The following IGF1R variants were observed in gnomAD, a reference collection of about 807,000 sequenced individuals.
The protein encoded by IGF1R is insulin-like growth factor 1 receptor.
Under a neutral mutation model 144.6 loss-of-function variants are expected in IGF1R, and 44 were observed. The ratio of observed to expected loss-of-function variants is 0.30; its 90% CI spans 0.24 to 0.39. The LOEUF is 0.39. IGF1R is among the 10% of genes least tolerant of loss of function. The pLI is 1.00. For missense variants in IGF1R, 1,355 were observed against 1,833.7 expected, an observed-to-expected ratio of 0.74 and a Z score of 4.77; for synonymous variants, 795 against 722.8, an observed-to-expected ratio of 1.10 and a Z score of -1.60.
intron 4 of IGF1R, among the ~76,000 whole-genome samples, chr15:98,897,868 G>A (rs964966033): frequency 6.6e-5 from 10 of 151,736 alleles, no homozygotes; most frequent in South Asian, 2.1e-4. Context: ...AATAAATATC[G>A]TAAAATGGCT....
rs926588671 is a variant in IGF1R, at chr15:98,964,212, ATTT to A, written c.*6775_*6777del. ...TTCTGAGTTTTCTTGTTAAAAAAAA[ATTT>A]TTTTAAGTAAGAAAAAAAAAGGTAA... On this transcript the variant is annotated 3_prime_UTR_variant, in exon 21 of 21. Transcript: ENST00000650285. The A allele has an allele frequency of 1.7e-5, 4 of 232,434 alleles. No individual in the cohort carries two copies. The highest frequency in any genetic ancestry group is 3.6e-4 in the South Asian group (2 of 5,524). 14.4% of individuals were successfully genotyped at this position (232,434 alleles called of 1,614,324 possible). A position where few individuals can be genotyped will look rare whatever the true frequency, so the allele number is the denominator to read the frequency against.
At chr15:98,718,236 A>G (rs2054167638) in intron 2 of IGF1R, among the ~76,000 whole-genome samples, 1 of 152,168 alleles carries the variant, frequency 6.6e-6, no homozygotes, top group African/African-American at 2.4e-5. Context: ...CTTGGTCACA[A>G]ACAAGCGCCC....
chr15:98,869,531 G>T (rs1226102438), intron 2 of IGF1R, among the ~76,000 whole-genome samples: 2 of 151,886 alleles, frequency 1.3e-5, no homozygotes, highest in East Asian at 3.9e-4. Flanking sequence ...CACCTCTCGG[G>T]TTCAAGCGAT....
Position 98,663,176 on chromosome 15 carries a change from C to T in IGF1R, c.94+13501C>T, listed in dbSNP as rs752658259. On this transcript the variant is annotated intron_variant, in intron 1 of 20. Coordinates refer to ENST00000650285, the MANE Select transcript of IGF1R (RefSeq NM_000875.5). Reference sequence around the variant, plus strand: ...GGAGGTGACTGGTGAGATGGGTCCTCGGTGTGAGGGGCTGGGTTGCCAGAG... The same window carrying T: ...GGAGGTGACTGGTGAGATGGGTCCTTGGTGTGAGGGGCTGGGTTGCCAGAG... Among the ~76,000 whole-genome samples, 46 of 151,924 alleles carry T rather than the reference C, an allele frequency of 3.0e-4. 2 individuals are homozygous for T. Among genetic ancestry groups the T allele is most frequent in the Admixed American group, 2.0e-4 (3 of 15,252 alleles).
chr15:98,955,427 T>G (rs1424406954), intron 20 of IGF1R, among the ~76,000 whole-genome samples: 2 of 152,250 alleles, frequency 1.3e-5, no homozygotes, highest in Admixed American at 1.3e-4. Context: ...GGCCACAGTC[T>G]CTGTCCTAAT....
rs1271482144 is a variant in IGF1R, at chr15:98,648,659, C to T, written c.-923C>T. Among the ~76,000 whole-genome samples the T allele has an allele frequency of 2.0e-5, 3 of 147,214 alleles. No homozygotes were observed. Among genetic ancestry groups the T allele is most frequent in the Non-Finnish European group, 4.5e-5 (3 of 66,236 alleles). On this transcript the variant is annotated 5_prime_UTR_variant, in exon 1 of 21. Transcript: ENST00000650285. ...AGGAGGAGCGAGCGCACCAGGCGAA[C>T]TCGAGAGAGGCGGGAGAGCGAGAGG...
At chr15:98,706,694 TGAAG>T (rs2053871086) in intron 1 of IGF1R, among the ~76,000 whole-genome samples, 1 of 152,212 alleles carries the variant, frequency 6.6e-6, no homozygotes, top group South Asian at 2.1e-4. Context: ...AAATATTAAG[TGAAG>T]GAAGTGTGTT....
chr15:98,916,476 G>A, intron 9 of IGF1R, 196 bp from the exon 10 acceptor site: 1 of 634,302 alleles, frequency 1.6e-6, no homozygotes, highest in East Asian at 2.8e-5. Flanking sequence ...TGCCCAGGCT[G>A]GTCTGAAACT....
intron 2 of IGF1R, among the ~76,000 whole-genome samples, chr15:98,868,688 G>T (rs1209861893): frequency 6.6e-6 from 1 of 152,116 alleles, no homozygotes; most frequent in African/African-American, 2.4e-5. Context: ...CTCTCTCTTT[G>T]TGCCTCAGGC....
chr15:98,902,041 C>T (rs1472411697), intron 5 of IGF1R, among the ~76,000 whole-genome samples: 2 of 152,100 alleles, frequency 1.3e-5, no homozygotes, highest in Non-Finnish European at 2.9e-5. Flanking sequence ...ATTTTTATTT[C>T]GGTGTGCTTT....
chr15:98,859,382 C>G (rs2012018635), intron 2 of IGF1R, among the ~76,000 whole-genome samples: 1 of 152,222 alleles, frequency 6.6e-6, no homozygotes. Context: ...CTAAGACATA[C>G]TTGATTTTAA....
chr15:98,750,840 G>A (rs897167737), intron 2 of IGF1R, among the ~76,000 whole-genome samples: 17 of 152,170 alleles, frequency 1.1e-4, no homozygotes, highest in Admixed American at 5.9e-4. Flanking sequence ...AGGTTGGAGT[G>A]CAATGGCGTG....
Position 98,817,120 on chromosome 15 carries a change from T to C in IGF1R, c.641-74205T>C, listed in dbSNP as rs537788845. ...GAGTTCAAGAACAGCCTGGCCAACA[T>C]GGTGAAACCCCGTCTCTACTAAAAA... On this transcript the variant is annotated intron_variant, in intron 2 of 20. Transcript: ENST00000650285. Among the ~76,000 whole-genome samples the C allele has an allele frequency of 4.6e-5, 7 of 152,012 alleles. No individual in the cohort carries two copies. The South Asian group carries it at 8.3e-4, about 18-fold the overall frequency.
intron 2 of IGF1R, chr15:98,873,582 TTGGGATGTGATTTCTTTAAGCCTC>T (rs2012900308): frequency 6.6e-6 from 1 of 152,202 alleles, no homozygotes; most frequent in African/African-American, 2.4e-5. Context: ...AAATATCGGA[TTGGGATGTGATTTCTTTAAGCCTC>T]TGGCTAATTT....
At chr15:98,827,675 CG>C (rs754235803) in intron 2 of IGF1R, among the ~76,000 whole-genome samples, 2 of 152,110 alleles carry the variant, frequency 1.3e-5, no homozygotes, top group Non-Finnish European at 1.5e-5. Context: ...CTCTGCCTTC[CG>C]GGTTCAAGCG....
intron 2 of IGF1R, among the ~76,000 whole-genome samples, chr15:98,713,360 C>T (rs932715887): frequency 2.0e-5 from 3 of 152,132 alleles, no homozygotes; most frequent in Non-Finnish European, 4.4e-5. Flanking sequence ...TGGCAGTCTT[C>T]GGTGAGCCAG....
intron 5 of IGF1R, among the ~76,000 whole-genome samples, chr15:98,905,804 T>C (rs1255515194): frequency 1.3e-5 from 2 of 152,254 alleles, no homozygotes; most frequent in Admixed American, 6.5e-5. Flanking sequence ...ATGATAACTT[T>C]AGCGTATGCA....
chr15:98,934,572 C>T (rs2016070784), intron 15 of IGF1R, among the ~76,000 whole-genome samples: 2 of 152,106 alleles, frequency 1.3e-5, no homozygotes, highest in African/African-American at 4.8e-5. Context: ...TGTTCTGGTC[C>T]TTCTATCTGT....
At chr15:98,656,236 A>C (rs977033503) in intron 1 of IGF1R, among the ~76,000 whole-genome samples, 1 of 152,184 alleles carries the variant, frequency 6.6e-6, no homozygotes, top group Non-Finnish European at 1.5e-5. Flanking sequence ...CACACACTGC[A>C]GCGATAGCTG....
Sources: allele counts gnomAD v4.1 joint callset (sites outside exome capture counted in the v4.1 genomes callset), GRCh38; gene constraint gnomAD v4.1.1; transcripts MANE v1.5; gene names NCBI Gene and HGNC (gene_info 2026-07-23, HGNC 2026-07-21).